ASB1: variants seen among roughly 807,000 people sequenced by gnomAD.
The protein encoded by ASB1 is ankyrin repeat and SOCS box containing 1.
A neutral mutation model predicts 27.7 loss-of-function variants in ASB1; 18 were observed. The observed-to-expected ratio is 0.65, with a 90% confidence interval of 0.45 to 0.96. The LOEUF (loss-of-function observed/expected upper bound fraction) is 0.96, where lower values mean the gene tolerates loss of function less well. ASB1 is among the 50% of genes least tolerant of loss of function. The probability of loss-of-function intolerance (pLI) is 0.00; values close to 1 mark genes in which losing one functional copy is unlikely to be tolerated. For missense variants in ASB1, 397 were observed against 451.7 expected, an observed-to-expected ratio of 0.88 and a Z score of 1.10; for synonymous variants, 189 against 187.6, an observed-to-expected ratio of 1.01 and a Z score of -0.06.
At chr2:238,436,239 T>G (rs1432476457) in intron 3 of ASB1, among the ~76,000 whole-genome samples, 1 of 152,114 alleles carries the variant, frequency 6.6e-6, no homozygotes, top group Non-Finnish European at 1.5e-5. Context: ...TTTTCCCTTT[T>G]GAGTTGACTG....
At position 238,449,968 on chromosome 2, in the gene ASB1, C is replaced by T. The variant is rs199599420; in HGVS notation, c.*3457C>T. On this transcript the variant is annotated 3_prime_UTR_variant, in exon 5 of 5. Transcript: ENST00000264607. ...CCATCCGTGCGGCCTTGGCCACATC[C>T]CTATTAACAGAGGCAGCTCCACTTC... The T allele has an allele frequency of 4.5e-5, 6 of 133,560 alleles. No individual in the cohort carries two copies. The highest frequency in any genetic ancestry group is 7.7e-5 in the Non-Finnish European group (5 of 64,726). The allele number at this position is 133,560 out of a possible 1,614,324, so 8.3% of individuals were successfully genotyped here.
chr2:238,428,596 T>C (rs1057060162), intron 1 of ASB1, among the ~76,000 whole-genome samples: 6 of 152,214 alleles, frequency 3.9e-5, no homozygotes, highest in African/African-American at 1.4e-4. Context: ...CACACTCAGC[T>C]GAGGGCTCCT....
intron 3 of ASB1, among the ~76,000 whole-genome samples, 189 bp downstream of exon 3, chr2:238,436,202 TTTTATC>T (rs1400577066): frequency 6.6e-6 from 1 of 152,272 alleles, no homozygotes; most frequent in Non-Finnish European, 1.5e-5. Flanking sequence ...TTATATTTAC[TTTTATC>T]TTTTTCTAAT....
chr2:238,433,491 C>A, intron 1 of ASB1, 63 bp from the exon 2 acceptor site: 1 of 1,581,786 alleles, frequency 6.3e-7, no homozygotes, highest in Non-Finnish European at 8.6e-7. Context: ...CAGATGGCAC[C>A]CCCTTTTGGT....
At chr2:238,437,778 C>T (rs1277664262) in intron 3 of ASB1, among the ~76,000 whole-genome samples, 1 of 152,164 alleles carries the variant, frequency 6.6e-6, no homozygotes, top group Admixed American at 6.5e-5. Flanking sequence ...GCCAGGGTGG[C>T]TCTGATGAGC....
chr2:238,430,216 C>T (rs1321504377), intron 1 of ASB1, among the ~76,000 whole-genome samples: 1 of 152,126 alleles, frequency 6.6e-6, no homozygotes, highest in Admixed American at 6.6e-5. Context: ...TGGCATTTTA[C>T]CCACAGTAGC....
intron 2 of ASB1, among the ~76,000 whole-genome samples, chr2:238,434,881 G>A (rs1440349075): frequency 6.6e-6 from 1 of 152,200 alleles, no homozygotes; most frequent in Non-Finnish European, 1.5e-5. Flanking sequence ...TGCTTCTTTG[G>A]TGATGAGTTC....
chr2:238,426,938 C>A lies in ASB1; in HGVS notation c.-133C>A, dbSNP rs1343810282. The A allele has an allele frequency of 3.2e-6, 2 of 616,246 alleles. No individual in the cohort carries two copies. The highest frequency in any genetic ancestry group is 2.3e-6 in the Non-Finnish European group (1 of 431,896). 38.2% of individuals were successfully genotyped at this position (616,246 alleles called of 1,614,324 possible). On this transcript the variant is annotated 5_prime_UTR_variant, in exon 1 of 5. Transcript: ENST00000264607. Reference sequence around the variant, plus strand: ...CGGCCCCGGAAACCAGTGAGGCCGGCGCGCGCCCGCCGGAAGCCGCGACCC... The same window carrying A: ...CGGCCCCGGAAACCAGTGAGGCCGGAGCGCGCCCGCCGGAAGCCGCGACCC...
At chr2:238,438,149 C>T (rs1702007251) in intron 3 of ASB1, among the ~76,000 whole-genome samples, 1 of 149,622 alleles carries the variant, frequency 6.7e-6, no homozygotes, top group African/African-American at 2.5e-5. Flanking sequence ...TGCACAACTG[C>T]TTTGAGTTAC....
At position 238,433,609 on chromosome 2, in the gene ASB1, CTG is replaced by C; in HGVS notation, c.108_109del (p.Cys36Ter). ...EQFCDHPLEH[C>X]EDTRLHDAAY... ...AATTTTGTGATCATCCGCTGGAGCA[CTG>C]TGAGGACACGAGGCTCCATGATGCA... On this transcript the variant is annotated frameshift_variant, in exon 2 of 5. Transcript: ENST00000264607. LOFTEE classifies it high-confidence loss of function. 6.2e-7 allele frequency: 1 copy of C among 1,614,166 alleles called. No homozygotes were observed. Among genetic ancestry groups the C allele is most frequent in the Non-Finnish European group, 8.5e-7 (1 of 1,180,016 alleles).
chr2:238,428,698 A>G (rs1701810050), intron 1 of ASB1, among the ~76,000 whole-genome samples: 1 of 152,182 alleles, frequency 6.6e-6, no homozygotes, highest in African/African-American at 2.4e-5. Context: ...CTTAAGTGCT[A>G]TCCTGGGGCA....
intron 3 of ASB1, among the ~76,000 whole-genome samples, chr2:238,437,623 C>T (rs1237818158): frequency 6.6e-6 from 1 of 151,352 alleles, no homozygotes; most frequent in Non-Finnish European, 1.5e-5. Flanking sequence ...TGACTTCTTT[C>T]CAGCAAAGAT....
Position 238,444,349 on chromosome 2 carries a change from G to A in ASB1, c.502G>A (p.Ala168Thr), listed in dbSNP as rs1232626593. ...DILKALIRYG[A>T]DVDVNHHLTP... ...TCCCTTTCTTCCCTGCAGGTACGGG[G>A]CTGATGTTGACGTCAACCACCACCT... is the stretch of plus-strand genomic sequence containing the variant. Residue 168 changes from alanine (A) to threonine (T), a missense_variant, in exon 4 of 5, where the codon GCT becomes ACT. By Grantham distance (58) the Ala-to-Thr change is moderately conservative. Coordinates refer to ENST00000264607, the MANE Select transcript of ASB1 (RefSeq NM_001040445.3). The A allele has an allele frequency of 6.2e-7, 1 of 1,606,496 alleles. No individual in the cohort carries two copies. Among genetic ancestry groups the A allele is most frequent in the East Asian group, 2.2e-5 (1 of 44,684 alleles).
rs1196772316 is a variant in ASB1 at position 238,445,008 on chromosome 2, G to GTCT, written c.880+282_880+284dup. ...TTTTTTTTTTTTTTTTTGAGGCAGG[G>GTCT]TCTGGTTCTGTCACCCAGACTGGAG... On this transcript the variant is annotated intron_variant, in intron 4 of 4. Transcript: ENST00000264607. Among the ~76,000 whole-genome samples, 18 of 146,034 alleles carry GTCT rather than the reference G, an allele frequency of 1.2e-4. No individual in the cohort carries two copies. The South Asian group carries it at 2.4e-3, about 19-fold the overall frequency.
At chr2:238,444,979 C>CTTT (rs34563680) in intron 4 of ASB1, among the ~76,000 whole-genome samples, 126 of 117,782 alleles carry the variant, frequency 1.1e-3, no homozygotes, top group Non-Finnish European at 1.5e-3. Flanking sequence ...CTCGCGCTCT[C>CTTT]TTTTTTTTTT....
chr2:238,427,891 G>A (rs912306492), intron 1 of ASB1, among the ~76,000 whole-genome samples: 2 of 152,190 alleles, frequency 1.3e-5, no homozygotes, highest in African/African-American at 4.8e-5. Context: ...ATTTGTCTTT[G>A]GAGGGGTTCC....
At chr2:238,431,593 A>G (rs926342075) in intron 1 of ASB1, among the ~76,000 whole-genome samples, 2 of 152,238 alleles carry the variant, frequency 1.3e-5, no homozygotes, top group Non-Finnish European at 2.9e-5. Context: ...CCAGCTTTCC[A>G]CATGCCTTTC....
intron 1 of ASB1, chr2:238,427,534 G>C (rs1265003054): frequency 6.4e-6 from 1 of 156,268 alleles, no homozygotes; most frequent in Non-Finnish European, 1.4e-5. Flanking sequence ...GCCGCCCACG[G>C]CGTGTCCGGT....
chr2:238,434,925 A>G (rs138212309), intron 2 of ASB1, among the ~76,000 whole-genome samples: 1 of 152,304 alleles, frequency 6.6e-6, no homozygotes, highest in Non-Finnish European at 1.5e-5. Context: ...GGGCAGTCAG[A>G]GCCTAGGCGC....
Sources: allele counts gnomAD v4.1 joint callset (sites outside exome capture counted in the v4.1 genomes callset), GRCh38; gene constraint gnomAD v4.1.1; transcripts MANE v1.5; gene names NCBI Gene and HGNC (gene_info 2026-07-23, HGNC 2026-07-21).